Variants in SMAD9 observed in about 807,000 individuals in gnomAD.
SMAD9 encodes the protein SMAD family member 9, also known as MAD homolog 9.
SMAD9 carries 36 observed loss-of-function variants against 46.1 expected under a neutral mutation model. The ratio of observed to expected loss-of-function variants is 0.78; its 90% CI spans 0.60 to 1.03. The LOEUF (loss-of-function observed/expected upper bound fraction) is 1.03, where lower values mean the gene tolerates loss of function less well. Ranked by LOEUF, SMAD9 falls within the 50% of genes least tolerant of loss-of-function variation. The pLI, the probability that SMAD9 is intolerant of heterozygous loss-of-function variation, is 0.00. For missense variants in SMAD9, 572 were observed against 599.8 expected (o/e 0.95, Z 0.48); for synonymous variants, 245 against 237.1 (o/e 1.03, Z -0.31).
chr13:36,899,224 C>T (rs144620209), intron 1 of SMAD9, among the ~76,000 whole-genome samples: 25 of 152,016 alleles, frequency 1.6e-4, no homozygotes, highest in African/African-American at 5.3e-4. Context: ...AAAGGTGGGG[C>T]GGTGGAGGGA....
chr13:36,881,744 T>C (rs1182796083), intron 1 of SMAD9, among the ~76,000 whole-genome samples: 1 of 152,226 alleles, frequency 6.6e-6, no homozygotes, highest in Non-Finnish European at 1.5e-5. Flanking sequence ...TTATAAAGTA[T>C]AGTTAAGTCA....
rs2058043960 is a variant in SMAD9, at chr13:36,847,357, T to C, written c.*1319A>G. The C allele has an allele frequency of 1.3e-5, 2 of 152,212 alleles. No homozygotes were observed. The highest frequency in any genetic ancestry group is 6.5e-5 in the Admixed American group (1 of 15,284). The allele number at this position is 152,212 out of a possible 1,614,324, so 9.4% of individuals were successfully genotyped here. A position where few individuals can be genotyped will look rare whatever the true frequency, so the allele number is the denominator to read the frequency against. On this transcript the variant is annotated 3_prime_UTR_variant, in exon 7 of 7. Coordinates refer to ENST00000379826, the MANE Select transcript of SMAD9 (RefSeq NM_001127217.3). ...TGAAATATTTTTCCAAGCAATGCAG[T>C]GTTTAGTGCATGGCAAGTATATATA...
intron 5 of SMAD9, among the ~76,000 whole-genome samples, chr13:36,857,903 T>G (rs1015800151): frequency 6.6e-6 from 1 of 152,204 alleles, no homozygotes; most frequent in Non-Finnish European, 1.5e-5. Context: ...CTTGCCTTTG[T>G]TGCCTTTTCT....
intron 1 of SMAD9, among the ~76,000 whole-genome samples, chr13:36,887,239 T>C (rs1170598451): frequency 8.3e-6 from 1 of 120,628 alleles, no homozygotes; most frequent in African/African-American, 3.3e-5. Context: ...TTTTTTTTTT[T>C]TGAGATGGAG....
At chr13:36,853,707 A>AT (rs1397226778) in intron 5 of SMAD9, 32 bp from the exon 6 acceptor site, 3 of 1,611,828 alleles carry the variant, frequency 1.9e-6, no homozygotes, top group Non-Finnish European at 2.5e-6. Context: ...CTTCCTTCAC[A>AT]TGCCCTTTCA....
At chr13:36,893,532 C>A (rs961650479) in intron 1 of SMAD9, among the ~76,000 whole-genome samples, 2 of 149,852 alleles carry the variant, frequency 1.3e-5, no homozygotes, top group African/African-American at 4.9e-5. Context: ...TGGAAATAAC[C>A]CAAATATCCA....
At chr13:36,887,003 G>A (rs1320224121) in intron 1 of SMAD9, among the ~76,000 whole-genome samples, 5 of 150,922 alleles carry the variant, frequency 3.3e-5, no homozygotes, top group Non-Finnish European at 5.9e-5. Context: ...ATGGAAAATG[G>A]GTTTTATCTA....
chr13:36,920,203 G>GCGGCGGCGGCCC lies in SMAD9; in HGVS notation c.-275_-274insGGGCCGCCGCCG, dbSNP rs1555247370. 198 of 164,924 alleles carry GCGGCGGCGGCCC rather than the reference G, an allele frequency of 1.2e-3. 1 individual carries two copies. Among genetic ancestry groups the GCGGCGGCGGCCC allele is most frequent in the Non-Finnish European group, 1.8e-3 (142 of 80,400 alleles). The allele number at this position is 164,924 out of a possible 1,614,324, so 10.2% of individuals were successfully genotyped here. A position where few individuals can be genotyped will look rare whatever the true frequency, so the allele number is the denominator to read the frequency against. On this transcript the variant is annotated 5_prime_UTR_variant, in exon 1 of 7. Coordinates refer to ENST00000379826, the MANE Select transcript of SMAD9 (RefSeq NM_001127217.3). ...GGCTGCAGCAGCGGCGGCGGCGGCG[G>GCGGCGGCGGCCC]CGGCGGCGGCGGCCCCAGCCGGCGT...
intron 1 of SMAD9, 67 bp from the exon 2 acceptor site, chr13:36,879,942 TA>T: frequency 6.4e-6 from 3 of 467,584 alleles, no homozygotes; most frequent in Admixed American, 3.4e-5. Context: ...TGAAGTTGGA[TA>T]GAAAGAGGCA....
At chr13:36,897,330 A>G (rs919837045) in intron 1 of SMAD9, among the ~76,000 whole-genome samples, 1 of 152,230 alleles carries the variant, frequency 6.6e-6, no homozygotes, top group African/African-American at 2.4e-5. Context: ...CAAAAAATAT[A>G]GCATTAGTTT....
intron 3 of SMAD9, among the ~76,000 whole-genome samples, chr13:36,867,832 T>C (rs1486854397): frequency 6.6e-6 from 1 of 152,130 alleles, no homozygotes; most frequent in Non-Finnish European, 1.5e-5. Flanking sequence ...TACTTCAAGA[T>C]ACCTGAAACG....
Position 36,851,214 on chromosome 13 carries a change from C to T in SMAD9, c.1260+2205G>A, listed in dbSNP as rs998274176. 3.2e-4 allele frequency among the ~76,000 whole-genome samples: 49 copies of T among 152,182 alleles called. 1 individual carries two copies. On this transcript the variant is annotated intron_variant, in intron 6 of 6. Coordinates refer to ENST00000379826, the MANE Select transcript of SMAD9 (RefSeq NM_001127217.3). ...CAGGAGGCCTTGCTATGGTTCCCTG[C>T]GGCTGCTCTCATCTCACTTCCCCTG... is the stretch of plus-strand genomic sequence containing the variant.
rs753068131 is a variant in SMAD9, at chr13:36,879,552, CTTT to C, written c.135_137del (p.Lys49del). On this transcript the variant is annotated inframe_deletion, in exon 2 of 7. Transcript: ENST00000379826. ...GCTCGTCCATGGCTCCCTTCTTCTT[CTTT>C]AACTTCTTCACTAGAGAGTCCACTG... 10 of 1,614,070 alleles carry C rather than the reference CTTT, an allele frequency of 6.2e-6. No homozygotes were observed. Among genetic ancestry groups the C allele is most frequent in the Non-Finnish European group, 7.6e-6 (9 of 1,180,010 alleles).
chr13:36,907,875 G>A (rs1000822631), intron 1 of SMAD9, among the ~76,000 whole-genome samples: 1 of 152,050 alleles, frequency 6.6e-6, no homozygotes, highest in East Asian at 1.9e-4. Context: ...ATGTGCCATC[G>A]GTACCTGGAA....
intron 1 of SMAD9, among the ~76,000 whole-genome samples, chr13:36,889,330 T>C (rs1159637974): frequency 6.6e-6 from 1 of 152,172 alleles, no homozygotes; most frequent in Non-Finnish European, 1.5e-5. Flanking sequence ...TCCATGTTTC[T>C]TTCATGCTCA....
intron 1 of SMAD9, among the ~76,000 whole-genome samples, chr13:36,903,449 A>G (rs546694609): frequency 3.0e-4 from 45 of 152,274 alleles, no homozygotes; most frequent in Admixed American, 4.6e-4. Flanking sequence ...CCAGGCTTCA[A>G]TGGCAGAGTG....
intron 2 of SMAD9, among the ~76,000 whole-genome samples, chr13:36,873,611 C>G (rs867867520): frequency 3.3e-5 from 5 of 152,170 alleles, no homozygotes; most frequent in Admixed American, 6.5e-5. Context: ...GCCTGTAATA[C>G]CAGCACTTTG....
chr13:36,907,923 G>GCTTC (rs2058631559), intron 1 of SMAD9, among the ~76,000 whole-genome samples: 1 of 152,174 alleles, frequency 6.6e-6, no homozygotes, highest in Non-Finnish European at 1.5e-5. Flanking sequence ...AAGGTAAAAT[G>GCTTC]CTGGGAAATC....
chr13:36,868,109 T>G (rs1480980975), intron 3 of SMAD9, among the ~76,000 whole-genome samples: 1 of 152,226 alleles, frequency 6.6e-6, no homozygotes, highest in Non-Finnish European at 1.5e-5. Context: ...CGTAAAAGGT[T>G]GGATCAATCT....
Sources: allele counts gnomAD v4.1 joint callset (sites outside exome capture counted in the v4.1 genomes callset), GRCh38; gene constraint gnomAD v4.1.1; transcripts MANE v1.5; gene names NCBI Gene and HGNC (gene_info 2026-07-23, HGNC 2026-07-21).